GFRA1: variants seen among roughly 807,000 people sequenced by gnomAD.
GFRA1 encodes the protein GDNF family receptor alpha-1.
A neutral mutation model predicts 51.6 loss-of-function variants in GFRA1; 16 were observed. The observed-to-expected ratio is 0.31, with a 90% CI of 0.21 to 0.47. The LOEUF (loss-of-function observed/expected upper bound fraction) is 0.47. Ranked by LOEUF, GFRA1 falls within the 20% of genes least tolerant of loss-of-function variation. The pLI is 1.00. For missense variants in GFRA1, 530 were observed against 594.3 expected, an observed-to-expected ratio of 0.89 and a Z score of 1.13; for synonymous variants, 270 against 241.3, an observed-to-expected ratio of 1.12 and a Z score of -1.10.
In GFRA1 at chr10:116,112,756, G is replaced by A. The variant is rs146435141; in HGVS notation, c.770+12465C>T. Among the ~76,000 whole-genome samples the A allele has an allele frequency of 1.3e-3, 194 of 152,330 alleles. 1 individual carries two copies. Among genetic ancestry groups the A allele is most frequent in the African/African-American group, 4.6e-3 (190 of 41,586 alleles). ...CCTGCCAAGCAGCCCCGGAGCGACC[G>A]CACAGCTGACGGTAGATGCTCCAAG... On this transcript the variant is annotated intron_variant, in intron 6 of 10. Transcript: ENST00000355422.
At chr10:116,191,769 G>A (rs1963285006) in intron 5 of GFRA1, among the ~76,000 whole-genome samples, 1 of 152,242 alleles carries the variant, frequency 6.6e-6, no homozygotes, top group South Asian at 2.1e-4. Context: ...GCTCACGCCT[G>A]TAATCCCAGC....
chr10:116,199,020 A>G (rs777822131), intron 5 of GFRA1, among the ~76,000 whole-genome samples: 2 of 152,154 alleles, frequency 1.3e-5, no homozygotes, highest in African/African-American at 2.4e-5. Context: ...ATGCAGCCAC[A>G]GGCCAGGGAA....
chr10:116,153,902 G>T (rs971455429), intron 5 of GFRA1, among the ~76,000 whole-genome samples: 2 of 151,950 alleles, frequency 1.3e-5, no homozygotes, highest in African/African-American at 4.8e-5. Context: ...AAAAAGACAA[G>T]CAACCCAATA....
intron 5 of GFRA1, among the ~76,000 whole-genome samples, chr10:116,172,370 G>GC (rs1961115646): frequency 6.6e-6 from 1 of 152,132 alleles, no homozygotes; most frequent in Admixed American, 6.5e-5. Context: ...GTATGGGAGA[G>GC]CAATGAAGGC....
intron 4 of GFRA1, among the ~76,000 whole-genome samples, chr10:116,251,803 TG>T (rs1269353677): frequency 6.6e-6 from 1 of 151,638 alleles, no homozygotes; most frequent in Non-Finnish European, 1.5e-5. Context: ...GTCACCTGGA[TG>T]GGTGGAGGAG....
chr10:116,141,473 A>AT (rs1334759962), intron 5 of GFRA1, among the ~76,000 whole-genome samples: 1 of 151,952 alleles, frequency 6.6e-6, no homozygotes. Context: ...TTGAGAGTAT[A>AT]TGCTCTGCCT....
chr10:116,155,258 A>C (rs1197859954), intron 5 of GFRA1, among the ~76,000 whole-genome samples: 1 of 152,174 alleles, frequency 6.6e-6, no homozygotes, highest in Admixed American at 6.5e-5. Flanking sequence ...GAGCACAATT[A>C]CTTCATCCAG....
chr10:116,225,884 C>G (rs537890498), intron 4 of GFRA1, among the ~76,000 whole-genome samples: 1 of 152,080 alleles, frequency 6.6e-6, no homozygotes, highest in African/African-American at 2.4e-5. Context: ...TCACTGTACC[C>G]GACTGAAATT....
intron 4 of GFRA1, among the ~76,000 whole-genome samples, chr10:116,228,711 G>A (rs538881280): frequency 5.9e-5 from 9 of 151,816 alleles, no homozygotes; most frequent in South Asian, 4.2e-4. Context: ...GGCCGGGCAC[G>A]GTGGCTCACG....
At chr10:116,190,410 C>T (rs567916823) in intron 5 of GFRA1, among the ~76,000 whole-genome samples, 10 of 152,306 alleles carry the variant, frequency 6.6e-5, no homozygotes, top group African/African-American at 1.9e-4. Flanking sequence ...CTCAAGAAGT[C>T]GGCCTTTATC....
chr10:116,209,969 C>T (rs1051371904), intron 5 of GFRA1, among the ~76,000 whole-genome samples: 3 of 152,208 alleles, frequency 2.0e-5, no homozygotes, highest in South Asian at 4.2e-4. Flanking sequence ...AGGGAGCGGC[C>T]GCCCACTGAC....
chr10:116,126,621 T>C (rs1015895594), intron 5 of GFRA1, among the ~76,000 whole-genome samples: 1 of 152,164 alleles, frequency 6.6e-6, no homozygotes, highest in Non-Finnish European at 1.5e-5. Context: ...TGATGAGGTG[T>C]AGTAGTGATT....
intron 3 of GFRA1, among the ~76,000 whole-genome samples, chr10:116,270,339 G>A (rs1487282217): frequency 1.3e-5 from 2 of 152,224 alleles, no homozygotes; most frequent in Non-Finnish European, 2.9e-5. Context: ...GTTAGGTGGG[G>A]AGGGTGAAGA....
At chr10:116,150,397 T>C (rs1218492285) in intron 5 of GFRA1, among the ~76,000 whole-genome samples, 1 of 152,206 alleles carries the variant, frequency 6.6e-6, no homozygotes, top group Non-Finnish European at 1.5e-5. Context: ...CCTTTCCTGC[T>C]GCAGTTCCCG....
At chr10:116,117,557 G>GGATGGA (rs1555152575) in intron 6 of GFRA1, among the ~76,000 whole-genome samples, 3,626 of 97,382 alleles carry the variant, frequency 0.037, 176 homozygotes, top group African/African-American at 0.049. Context: ...GGGTGGGTGT[G>GGATGGA]TGGATGGATG....
At position 116,272,225 on chromosome 10, in the gene GFRA1, T is replaced by A. The variant is rs1323583449; in HGVS notation, c.-196A>T. 7 of 626,128 alleles carry A rather than the reference T, an allele frequency of 1.1e-5. No individual in the cohort carries two copies. The East Asian group carries it at 1.9e-4, about 17-fold the overall frequency. The allele number at this position is 626,128 out of a possible 1,614,324, so 38.8% of individuals were successfully genotyped here. ...CGCCGCCGGCGACTCAGCTCCGGGA[T>A]GGCGAGGGCGGGAGGCGGTTCCGCT... On this transcript the variant is annotated 5_prime_UTR_variant, in exon 2 of 11. Coordinates refer to ENST00000355422, the MANE Select transcript of GFRA1 (RefSeq NM_005264.8). The surrounding 1 kb of genome is among the most constrained non-coding windows in gnomAD (Gnocchi z 4.4).
Position 116,058,020 on chromosome 10 carries a change from GTGTGTGTGTGTGTGTGT to G in GFRA1, c.*6361_*6377del, listed in dbSNP as rs1268631807. 14 of 143,894 alleles carry G rather than the reference GTGTGTGTGTGTGTGTGT, an allele frequency of 9.7e-5. No homozygotes were observed. Among genetic ancestry groups the G allele is most frequent in the African/African-American group, 3.3e-4 (12 of 36,596 alleles). 8.9% of individuals were successfully genotyped at this position (143,894 alleles called of 1,614,324 possible). On this transcript the variant is annotated 3_prime_UTR_variant, in exon 11 of 11. Coordinates refer to ENST00000355422, the MANE Select transcript of GFRA1 (RefSeq NM_005264.8). ...TGTGTGTGTGTGTGTGTGTGTGTGT[GTGTGTGTGTGTGTGTGT>G]GTGTGACAGAGAGAACCACGCTTTA...
At chr10:116,184,801 C>T (rs924882778) in intron 5 of GFRA1, among the ~76,000 whole-genome samples, 25 of 152,168 alleles carry the variant, frequency 1.6e-4, no homozygotes, top group African/African-American at 5.5e-4. Flanking sequence ...GTGTTCCTGG[C>T]TGTTTAACCA....
chr10:116,071,246 TCTC>T (rs2133795396), intron 9 of GFRA1, among the ~76,000 whole-genome samples: 1 of 152,266 alleles, frequency 6.6e-6, no homozygotes, highest in East Asian at 1.9e-4. Flanking sequence ...GACTGTCTGG[TCTC>T]CTCTACCTGC....
Sources: allele counts gnomAD v4.1 joint callset (sites outside exome capture counted in the v4.1 genomes callset), GRCh38; gene constraint gnomAD v4.1.1; non-coding constraint Gnocchi (gnomAD v3.1); transcripts MANE v1.5; gene names NCBI Gene and HGNC (gene_info 2026-07-23, HGNC 2026-07-21).